Variants in PDE1A observed in about 807,000 individuals in gnomAD.
The protein encoded by PDE1A is phosphodiesterase 1A.
PDE1A carries 35 observed loss-of-function variants against 61.7 expected under a neutral mutation model. The observed-to-expected ratio is 0.57, with a 90% confidence interval of 0.43 to 0.75. The LOEUF (loss-of-function observed/expected upper bound fraction) is 0.75. PDE1A is among the 30% of genes least tolerant of loss of function. The probability of loss-of-function intolerance (pLI) is 0.00; values close to 1 mark genes in which losing one functional copy is unlikely to be tolerated. For missense variants in PDE1A, 597 were observed against 630.6 expected (o/e 0.95, Z 0.57); for synonymous variants, 232 against 213.2 (o/e 1.09, Z -0.77).
intron 1 of PDE1A, among the ~76,000 whole-genome samples, chr2:182,286,450 A>G (rs920127051): frequency 6.6e-6 from 1 of 152,156 alleles, no homozygotes; most frequent in African/African-American, 2.4e-5. Context: ...TATTTTAGTT[A>G]AGGTAAGGCT....
the PDE1A span, among the ~76,000 whole-genome samples, chr2:182,682,337 G>A: frequency 2.0e-5 from 3 of 152,162 alleles, no homozygotes; most frequent in Non-Finnish European, 4.4e-5. Flanking sequence ...TTATATAGCA[G>A]GGAAGAAATG....
At chr2:182,518,134 C>T (rs2125982780) in intron 2 of PDE1A, among the ~76,000 whole-genome samples, 1 of 152,256 alleles carries the variant, frequency 6.6e-6, no homozygotes, top group South Asian at 2.1e-4. Flanking sequence ...GTAAAAGGAT[C>T]AAATTTGTGT....
At chr2:182,195,003 C>T (rs936802985) in intron 10 of PDE1A, among the ~76,000 whole-genome samples, 1 of 151,694 alleles carries the variant, frequency 6.6e-6, no homozygotes, top group African/African-American at 2.4e-5. Flanking sequence ...GAATTTCTAT[C>T]CAGGCTCTAA....
intron 3 of PDE1A, among the ~76,000 whole-genome samples, chr2:182,238,133 G>T (rs1035765159): frequency 2.6e-5 from 4 of 151,870 alleles, no homozygotes; most frequent in East Asian, 1.9e-4. Context: ...GCCAGGCAGG[G>T]TTGCGGGTGC....
At chr2:182,342,561 T>C (rs1251400408) in intron 1 of PDE1A, among the ~76,000 whole-genome samples, 2 of 152,188 alleles carry the variant, frequency 1.3e-5, no homozygotes, top group Non-Finnish European at 2.9e-5. Context: ...CACGTGCCTG[T>C]AGTCCTAGCT....
intron 2 of PDE1A, among the ~76,000 whole-genome samples, chr2:182,513,643 C>T (rs1286811155): frequency 3.9e-5 from 6 of 152,170 alleles, no homozygotes; most frequent in African/African-American, 9.7e-5. Flanking sequence ...TTAAAAAGCA[C>T]GAAGTGGCAA....
At chr2:182,673,999 T>TATATATA in the PDE1A span, among the ~76,000 whole-genome samples, 1 of 25,566 alleles carries the variant, frequency 3.9e-5, no homozygotes, top group East Asian at 1.3e-3. Flanking sequence ...CATATATATA[T>TATATATA]ATATATATAT....
At chr2:182,290,068 A>C (rs1694425347) in intron 1 of PDE1A, among the ~76,000 whole-genome samples, 1 of 152,112 alleles carries the variant, frequency 6.6e-6, no homozygotes, top group Admixed American at 6.6e-5. Context: ...ATGAAAAGTA[A>C]ATAACTGTCA....
At chr2:182,198,515 T>C (rs2125455756) in intron 10 of PDE1A, among the ~76,000 whole-genome samples, 1 of 151,980 alleles carries the variant, frequency 6.6e-6, no homozygotes, top group East Asian at 1.9e-4. Context: ...GGTCTTCTAC[T>C]TCTAGTTTAC....
At chr2:182,206,012 A>C (rs1057504601) in exon 8 of PDE1A, 2 of 1,612,716 alleles carry the variant, frequency 1.2e-6, no homozygotes, top group East Asian at 4.5e-5. Flanking sequence ...AGCTGCACTC[A>C]CGTGGTGATT....
rs1038176085 is a variant in PDE1A, at chr2:182,484,699, C to T, written c.101+37577G>A. The stretch of plus-strand genomic sequence containing the variant: ...ACAAACAACCCCATTAAAAAGTGGG[C>T]AAAAGACATGAACAAATACTTTTCA... On this transcript the variant is annotated intron_variant, in intron 2 of 14. Coordinates refer to the PDE1A transcript ENST00000410103. 2.0e-5 allele frequency among the ~76,000 whole-genome samples: 3 copies of T among 151,338 alleles called. No homozygotes were observed. The East Asian group carries it at 5.8e-4, about 29-fold the overall frequency.
chr2:182,239,097 T>C (rs927872420), intron 3 of PDE1A, among the ~76,000 whole-genome samples: 1 of 152,192 alleles, frequency 6.6e-6, no homozygotes, highest in African/African-American at 2.4e-5. Context: ...CTTTAAGCTT[T>C]ATATTTGTTG....
chr2:182,143,783 G>A (rs1690350399), downstream of PDE1A, among the ~76,000 whole-genome samples: 1 of 152,126 alleles, frequency 6.6e-6, no homozygotes, highest in Non-Finnish European at 1.5e-5. Flanking sequence ...CCAAAGTGCT[G>A]GGATTACAGG....
At chr2:182,203,939 T>C (rs1686881750) in intron 8 of PDE1A, among the ~76,000 whole-genome samples, 1 of 152,088 alleles carries the variant, frequency 6.6e-6, no homozygotes, top group Non-Finnish European at 1.5e-5. Flanking sequence ...TGTACACTAT[T>C]TGTTAAAACA....
chr2:182,394,989 G>C (rs975553414), intron 1 of PDE1A, among the ~76,000 whole-genome samples: 4 of 152,214 alleles, frequency 2.6e-5, no homozygotes, highest in African/African-American at 9.7e-5. Context: ...CTGGTTCGTT[G>C]TGCAGAAGAC....
chr2:182,594,830 T>C, the PDE1A span, among the ~76,000 whole-genome samples: 2 of 152,176 alleles, frequency 1.3e-5, no homozygotes, highest in African/African-American at 2.4e-5. Context: ...CTGGTGGTCA[T>C]AACACTGGAC....
chr2:182,191,798 C>G (rs972604122), intron 10 of PDE1A, among the ~76,000 whole-genome samples: 1 of 151,228 alleles, frequency 6.6e-6, no homozygotes, highest in Non-Finnish European at 1.5e-5. Context: ...CTCTTTGGCC[C>G]CAAAATGATA....
At chr2:182,675,072 C>T in the PDE1A span, among the ~76,000 whole-genome samples, 4 of 152,054 alleles carry the variant, frequency 2.6e-5, no homozygotes, top group South Asian at 8.3e-4. Context: ...AGCCTAGTAC[C>T]CAATAGTTAT....
In PDE1A at chr2:182,206,076, A is replaced by T. The variant is rs374521674; in HGVS notation, c.777-11T>A. Reference sequence around the variant, plus strand: ...ATGGCAACATCTGACCTAAGAATTAAAAACAAAATGCCCAACAGAGGATTT... The same window carrying T: ...ATGGCAACATCTGACCTAAGAATTATAAACAAAATGCCCAACAGAGGATTT... On this transcript the variant is annotated splice_polypyrimidine_tract_variant and intron_variant, in intron 7 of 13. Transcript: ENST00000351439. 4.3e-5 allele frequency: 68 copies of T among 1,598,278 alleles called. No homozygotes were observed. In the African/African-American group the frequency reaches 8.3e-4, roughly 20 times the overall value.
Sources: allele counts gnomAD v4.1 joint callset (sites outside exome capture counted in the v4.1 genomes callset), GRCh38; gene constraint gnomAD v4.1.1; transcripts MANE v1.5; gene names NCBI Gene and HGNC (gene_info 2026-07-23, HGNC 2026-07-21).